Variants in FRAS1 observed in about 807,000 individuals in gnomAD.
FRAS1 encodes the protein extracellular matrix organizing protein FRAS1.
FRAS1 carries 290 observed loss-of-function variants against 435.2 expected under a neutral mutation model. The observed-to-expected ratio is 0.67, with a 90% confidence interval of 0.61 to 0.73. The LOEUF is 0.73. FRAS1 is among the 30% of genes least tolerant of loss of function. FRAS1 has a pLI of 0.00. For synonymous variants in FRAS1, 1,800 were observed against 1,851.0 expected (o/e 0.97, Z 0.71); for missense variants, 4,860 against 5,001.5 (o/e 0.97, Z 0.85).
chr4:78,097,010 G>A (rs56304889), intron 2 of FRAS1, among the ~76,000 whole-genome samples: 9,337 of 152,226 alleles, frequency 0.061, 778 homozygotes, highest in African/African-American at 0.19. Flanking sequence ...AAAACTGAAT[G>A]CCTTTAACAG....
Position 78,466,323 on chromosome 4 carries a change from A to G in FRAS1, c.7145A>G (p.Gln2382Arg). ...ACCTTCACCATGAAAGATATCTACC[A>G]GAACCGGGTCAGCTACAGCCATGAC... ...TSTFTMKDIY[Q>R]NRVSYSHDGS... The change falls in exon 50 of 74, where the codon CAG becomes CGG. Residue 2382 changes from glutamine (Q) to arginine (R), a missense_variant. By Grantham distance (43) the Gln-to-Arg change is conservative (BLOSUM62 1). Coordinates refer to ENST00000512123, the MANE Select transcript of FRAS1 (RefSeq NM_025074.7). 6.2e-7 allele frequency: 1 copy of G among 1,613,938 alleles called. No homozygotes were observed. Among genetic ancestry groups the G allele is most frequent in the South Asian group, 1.1e-5 (1 of 91,080 alleles).
chr4:78,483,586 T>C (rs1037329117), intron 58 of FRAS1, among the ~76,000 whole-genome samples: 18 of 151,948 alleles, frequency 1.2e-4, no homozygotes, highest in Non-Finnish European at 2.2e-4. Flanking sequence ...TTGATGTTTT[T>C]ATTTATTCTT....
At chr4:78,120,550 G>A (rs1219195755) in intron 2 of FRAS1, among the ~76,000 whole-genome samples, 7 of 152,154 alleles carry the variant, frequency 4.6e-5, no homozygotes, top group Non-Finnish European at 1.0e-4. Context: ...GTTCTCCATT[G>A]GCGTCTAGAC....
At chr4:78,111,997 C>G (rs768612167) in intron 2 of FRAS1, among the ~76,000 whole-genome samples, 7 of 151,986 alleles carry the variant, frequency 4.6e-5, no homozygotes, top group Admixed American at 1.3e-4. Flanking sequence ...TTTAAAAAAT[C>G]CAGAAAAAAG....
chr4:78,384,792 A>C (rs758278695), intron 28 of FRAS1, among the ~76,000 whole-genome samples: 1 of 151,288 alleles, frequency 6.6e-6, no homozygotes, highest in Non-Finnish European at 1.5e-5. Flanking sequence ...CTATAGTCCC[A>C]GCTACTTGGG....
Position 78,540,564 on chromosome 4 carries a change from A to G in FRAS1, c.11479A>G (p.Ile3827Val). 3.3e-6 allele frequency: 5 copies of G among 1,514,308 alleles called. No individual in the cohort carries two copies. The highest frequency in any genetic ancestry group is 1.4e-5 in the South Asian group (1 of 73,028). The allele number at this position is 1,514,308 out of a possible 1,614,324, so 93.8% of individuals were successfully genotyped here. A position where few individuals can be genotyped will look rare whatever the true frequency, so the allele number is the denominator to read the frequency against. The change falls in exon 74 of 74, where the codon ATC (isoleucine) becomes GTC (valine). Residue 3827 changes from isoleucine (I) to valine (V), a missense_variant. By Grantham distance (29) the Ile-to-Val change is conservative. Transcript: ENST00000512123. The stretch of plus-strand genomic sequence containing the variant: ...AGGACACCAGTGGTATCTCCAGGTC[A>G]TCTACATCATTGGCCCTGACACCAT... ...EAGHQWYLQV[I>V]YIIGPDTISG...
intron 2 of FRAS1, among the ~76,000 whole-genome samples, chr4:78,136,208 A>T (rs1435356011): frequency 6.6e-6 from 1 of 152,208 alleles, no homozygotes; most frequent in Non-Finnish European, 1.5e-5. Flanking sequence ...CACAAAAAGC[A>T]CAACATTGTG....
chr4:78,478,488 A>G (rs970063740), intron 55 of FRAS1, among the ~76,000 whole-genome samples: 3 of 152,246 alleles, frequency 2.0e-5, no homozygotes, highest in African/African-American at 7.2e-5. Flanking sequence ...AGTCATATGT[A>G]GAGCTCAGAT....
In FRAS1 at chr4:78,363,582, A is replaced by T. The variant is rs1318500198; in HGVS notation, c.2492A>T (p.Gln831Leu). The T allele has an allele frequency of 6.2e-7, 1 of 1,612,546 alleles. No individual in the cohort carries two copies. Reference sequence around the variant, plus strand: ...ACTGGGAGCATCTGCCTCAGGTGCCAGAATGCCCACTACCTGCTGCTCGGG... The same window carrying T: ...ACTGGGAGCATCTGCCTCAGGTGCCTGAATGCCCACTACCTGCTGCTCGGG... ...HNTGSICLRC[Q>L]NAHYLLLGDH... is the part of the protein sequence containing the mutation. The change falls in exon 21 of 74, where the codon CAG becomes CTG. Residue 831 changes from glutamine (Q) to leucine (L), a missense_variant. Gln to Leu is a moderately radical substitution (Grantham distance 113, BLOSUM62 -2). Transcript: ENST00000512123.
intron 69 of FRAS1, among the ~76,000 whole-genome samples, chr4:78,524,740 G>A (rs1397394252): frequency 6.6e-6 from 1 of 152,142 alleles, no homozygotes; most frequent in Non-Finnish European, 1.5e-5. Flanking sequence ...ACAAAATAAA[G>A]ATCCCTAAGT....
intron 18 of FRAS1, among the ~76,000 whole-genome samples, chr4:78,327,351 C>T (rs192954709): frequency 6.6e-6 from 1 of 152,100 alleles, no homozygotes; most frequent in African/African-American, 2.4e-5. Flanking sequence ...TGAGAGAAGC[C>T]CACTCAAAAT....
At chr4:78,506,762 G>A (rs1036420073) in intron 61 of FRAS1, among the ~76,000 whole-genome samples, 1 of 144,204 alleles carries the variant, frequency 6.9e-6, no homozygotes, top group African/African-American at 2.6e-5. Context: ...CTGCACCAAT[G>A]TCCAACCAGT....
chr4:78,453,560 A>G (rs1719090587), intron 47 of FRAS1, among the ~76,000 whole-genome samples: 1 of 152,060 alleles, frequency 6.6e-6, no homozygotes, highest in South Asian at 2.1e-4. Flanking sequence ...GCACTTTGGG[A>G]GGTTGAGGTG....
At chr4:78,104,718 G>C (rs1315014786) in intron 2 of FRAS1, among the ~76,000 whole-genome samples, 1 of 152,144 alleles carries the variant, frequency 6.6e-6, no homozygotes, top group Non-Finnish European at 1.5e-5. Flanking sequence ...GACATGAAAT[G>C]CTTGTCTTCA....
chr4:78,186,646 G>A (rs1301540899), intron 2 of FRAS1, among the ~76,000 whole-genome samples: 3 of 152,068 alleles, frequency 2.0e-5, no homozygotes, highest in Admixed American at 6.6e-5. Flanking sequence ...CTGTACAAAC[G>A]GTTGCAGCTG....
chr4:78,523,211 C>T (rs1046078144), intron 69 of FRAS1, among the ~76,000 whole-genome samples: 3 of 152,060 alleles, frequency 2.0e-5, no homozygotes, highest in African/African-American at 7.2e-5. Flanking sequence ...AGGGTGAGAC[C>T]AGAAGGGGCA....
At chr4:78,199,839 G>A (rs1184849438) in intron 2 of FRAS1, among the ~76,000 whole-genome samples, 2 of 152,202 alleles carry the variant, frequency 1.3e-5, no homozygotes, top group African/African-American at 2.4e-5. Context: ...AATGGAAAGT[G>A]CTTAGAATTG....
intron 14 of FRAS1, among the ~76,000 whole-genome samples, chr4:78,303,272 A>G (rs1391166421): frequency 6.6e-5 from 10 of 152,100 alleles, no homozygotes; most frequent in Non-Finnish European, 1.2e-4. Context: ...CTTGTAGTAT[A>G]GTTTGAAGTC....
chr4:78,063,551 T>C (rs1386364914), intron 1 of FRAS1, among the ~76,000 whole-genome samples: 1 of 151,186 alleles, frequency 6.6e-6, no homozygotes. Flanking sequence ...GATATAATTT[T>C]TCAGCAGCTC....
Sources: gnomAD v4.1 joint callset for allele counts (sites outside exome capture counted in the v4.1 genomes callset) on GRCh38, gnomAD v4.1.1 for gene constraint, MANE v1.5 for transcripts, NCBI Gene and HGNC (gene_info 2026-07-23, HGNC 2026-07-21) for gene names.